Variants in FAAH2 observed in about 807,000 individuals in gnomAD.
FAAH2 encodes the protein fatty-acid amide hydrolase 2.
In FAAH2, 60 loss-of-function variants were observed where a neutral mutation model predicts 36.9. That is an observed-to-expected ratio of 1.63 (90% confidence interval 1.32 to 2.02). The LOEUF is 2.02. Ranked by LOEUF, FAAH2 falls within the 30% of genes most tolerant of loss-of-function variation. The pLI, the probability that FAAH2 is intolerant of heterozygous loss-of-function variation, is 0.00. For missense variants in FAAH2, 689 were observed against 397.5 expected, an observed-to-expected ratio of 1.73 and a Z score of -6.23; for synonymous variants, 214 against 143.8, an observed-to-expected ratio of 1.49 and a Z score of -3.49.
the FAAH2 span, among the ~76,000 whole-genome samples, chrX:57,211,860 A>T: frequency 8.9e-6 from 1 of 112,055 alleles, no homozygotes; most frequent in Non-Finnish European, 1.9e-5. Flanking sequence ...TGTACCCAGA[A>T]GCAAAGAAAA....
intron 5 of FAAH2, among the ~76,000 whole-genome samples, chrX:57,363,735 T>C (rs185086834): frequency 4.2e-4 from 47 of 111,048 alleles, no homozygotes; most frequent in African/African-American, 1.4e-3. Flanking sequence ...TTGAGGTATG[T>C]TCTATGGTGC....
At chrX:57,300,854 GA>G (rs2052337105) in intron 2 of FAAH2, among the ~76,000 whole-genome samples, 2 of 112,150 alleles carry the variant, frequency 1.8e-5, no homozygotes, top group South Asian at 3.7e-4. Context: ...AAAAACACAT[GA>G]AAAAATGCTC....
At chrX:57,456,212 C>CA (rs1396410548) in intron 10 of FAAH2, among the ~76,000 whole-genome samples, 2 of 111,348 alleles carry the variant, frequency 1.8e-5, no homozygotes, top group Non-Finnish European at 3.8e-5. Context: ...GGGCAAAAAA[C>CA]AAAATTAAGA....
the FAAH2 span, among the ~76,000 whole-genome samples, chrX:57,192,679 A>C: frequency 4.5e-5 from 5 of 112,007 alleles, no homozygotes; most frequent in Non-Finnish European, 7.5e-5. Flanking sequence ...AGGGACCCCA[A>C]ATGGAAGGAC....
At chrX:57,175,154 C>G in the FAAH2 span, among the ~76,000 whole-genome samples, 2 of 111,572 alleles carry the variant, frequency 1.8e-5, no homozygotes, top group African/African-American at 6.5e-5. Context: ...TGATCTGTCT[C>G]TTGTTGTCAG....
At chrX:57,449,905 A>T (rs2056753606) in intron 10 of FAAH2, among the ~76,000 whole-genome samples, 1 of 111,543 alleles carries the variant, frequency 9.0e-6, no homozygotes, top group Admixed American at 9.6e-5. Flanking sequence ...ACCTCAGATT[A>T]TCTGTCCGCC....
chrX:57,223,472 A>G, the FAAH2 span, among the ~76,000 whole-genome samples: 1 of 111,525 alleles, frequency 9.0e-6, no homozygotes, highest in Admixed American at 9.5e-5. Context: ...CATATCAGTT[A>G]CAACCTCTCT....
chrX:57,165,311 C>T, the FAAH2 span, among the ~76,000 whole-genome samples: 1 of 112,410 alleles, frequency 8.9e-6, no homozygotes, highest in Admixed American at 9.4e-5. Context: ...CAATGATAGA[C>T]TGGATCAAGA....
At chrX:57,272,198 G>C in the FAAH2 span, among the ~76,000 whole-genome samples, 5 of 105,152 alleles carry the variant, frequency 4.8e-5, no homozygotes, top group Non-Finnish European at 9.7e-5. Flanking sequence ...GACAAGATCA[G>C]AGAAAAAAAA....
At chrX:57,401,143 T>A (rs961700775) in intron 7 of FAAH2, among the ~76,000 whole-genome samples, 10 of 110,275 alleles carry the variant, frequency 9.1e-5, no homozygotes, top group South Asian at 3.9e-4. Flanking sequence ...AAATAAAAAA[T>A]TTATAAAAAG....
At chrX:57,145,961 C>A in the FAAH2 span, among the ~76,000 whole-genome samples, 2 of 110,576 alleles carry the variant, frequency 1.8e-5, no homozygotes, top group Non-Finnish European at 3.8e-5. Flanking sequence ...GTGACTATGG[C>A]CTTATAGTAT....
intron 8 of FAAH2, among the ~76,000 whole-genome samples, chrX:57,434,124 G>C (rs1261365169): frequency 1.1e-5 from 1 of 88,780 alleles, no homozygotes; most frequent in Non-Finnish European, 2.2e-5. Flanking sequence ...TCACTCTGTT[G>C]CCTAGGCTAG....
intron 5 of FAAH2, among the ~76,000 whole-genome samples, chrX:57,354,481 C>T (rs5914084): frequency 9.2e-6 from 1 of 108,743 alleles, no homozygotes; most frequent in Non-Finnish European, 1.9e-5. Flanking sequence ...GGGTACAATG[C>T]ACATTATTCA....
At chrX:57,369,162 G>T (rs989290791) in intron 5 of FAAH2, among the ~76,000 whole-genome samples, 3 of 107,936 alleles carry the variant, frequency 2.8e-5, no homozygotes, top group Non-Finnish European at 5.7e-5. Flanking sequence ...TTTTGAAACA[G>T]TCCAGTCAAA....
chrX:57,163,910 G>A, the FAAH2 span, among the ~76,000 whole-genome samples: 3 of 112,227 alleles, frequency 2.7e-5, no homozygotes, highest in Non-Finnish European at 1.9e-5. Flanking sequence ...CTTAACCGAT[G>A]TATGGTCAAA....
At chrX:57,269,113 A>G in the FAAH2 span, among the ~76,000 whole-genome samples, 3 of 111,959 alleles carry the variant, frequency 2.7e-5, no homozygotes, top group Non-Finnish European at 5.6e-5. Flanking sequence ...ACTGACAAGC[A>G]TCAAAAAGGA....
chrX:57,431,771 G>GT (rs1218617071), intron 7 of FAAH2, 147 bp from the exon 8 acceptor site: 13 of 202,061 alleles, frequency 6.4e-5, no homozygotes, highest in Middle Eastern at 8.7e-4. Context: ...TTGTTTTTTT[G>GT]TTTTTTTGTT....
chrX:57,206,113 G>C, the FAAH2 span, among the ~76,000 whole-genome samples: 1 of 111,594 alleles, frequency 9.0e-6, no homozygotes, highest in African/African-American at 3.3e-5. Context: ...TGAGCTTTAT[G>C]GACTTGCTTT....
chrX:57,369,577 G>A (rs1367414715), intron 5 of FAAH2, among the ~76,000 whole-genome samples: 1 of 111,438 alleles, frequency 9.0e-6, no homozygotes, highest in Non-Finnish European at 1.9e-5. Flanking sequence ...CAAAGTGCTG[G>A]GGAATAAATT....
Sources: gnomAD v4.1 joint callset for allele counts (sites outside exome capture counted in the v4.1 genomes callset) on GRCh38, gnomAD v4.1.1 for gene constraint, MANE v1.5 for transcripts, NCBI Gene and HGNC (gene_info 2026-07-23, HGNC 2026-07-21) for gene names.